Variants in LHFPL3 observed in about 807,000 individuals in gnomAD.
The protein encoded by LHFPL3 is LHFPL tetraspan subfamily member 3 protein.
In LHFPL3, 5 loss-of-function variants were observed where a neutral mutation model predicts 19.3. That is an observed-to-expected ratio of 0.26 (90% CI 0.14 to 0.54). LHFPL3 has a LOEUF of 0.54. LHFPL3 is among the 20% of genes least tolerant of loss of function. The probability of loss-of-function intolerance (pLI) is 0.94; values close to 1 mark genes in which losing one functional copy is unlikely to be tolerated. For synonymous variants in LHFPL3, 133 were observed against 126.2 expected, an observed-to-expected ratio of 1.05 and a Z score of -0.36; for missense variants, 249 against 307.4, an observed-to-expected ratio of 0.81 and a Z score of 1.42.
At chr7:104,428,000 A>G (rs1456673169) in intron 1 of LHFPL3, among the ~76,000 whole-genome samples, 1 of 152,202 alleles carries the variant, frequency 6.6e-6, no homozygotes, top group Non-Finnish European at 1.5e-5. Flanking sequence ...ATTAAAATGG[A>G]TGGAAAATGC....
chr7:104,504,139 C>G (rs949434301), intron 1 of LHFPL3, among the ~76,000 whole-genome samples: 11 of 152,098 alleles, frequency 7.2e-5, no homozygotes, highest in African/African-American at 2.4e-4. Context: ...ATTTGTTATT[C>G]ACCTCTGAAC....
chr7:104,832,473 G>A (rs1172368380), intron 2 of LHFPL3, among the ~76,000 whole-genome samples: 1 of 151,680 alleles, frequency 6.6e-6, no homozygotes, highest in South Asian at 2.1e-4. Context: ...CTCCTGTAAA[G>A]CATATTTAAC....
chr7:104,892,576 TG>T (rs1264640681), intron 2 of LHFPL3, among the ~76,000 whole-genome samples: 1 of 151,816 alleles, frequency 6.6e-6, no homozygotes, highest in East Asian at 1.9e-4. Flanking sequence ...CCAGGTGTGG[TG>T]GCGGGCACCT....
chr7:104,442,963 TG>T (rs1339737639), intron 1 of LHFPL3, among the ~76,000 whole-genome samples: 23 of 152,238 alleles, frequency 1.5e-4, no homozygotes, highest in Non-Finnish European at 2.2e-4. Flanking sequence ...AGGTATCCTT[TG>T]GTATGATAAT....
chr7:104,377,524 T>A lies in LHFPL3; in HGVS notation c.445+48300T>A, dbSNP rs116471599. Among the ~76,000 whole-genome samples the A allele has an allele frequency of 4.3e-3, 650 of 152,328 alleles. 4 individuals are homozygous for A. The highest frequency in any genetic ancestry group is 0.015 in the African/African-American group (618 of 41,572). ...TCTCTCCATTATATTATCTTTTTAT[T>A]CTTTGGAATCAAGTCTTAAGGAAAT... On this transcript the variant is annotated intron_variant, in intron 1 of 2. Transcript: ENST00000424859.
At chr7:104,519,323 T>G (rs1279354237) in intron 1 of LHFPL3, among the ~76,000 whole-genome samples, 3 of 152,162 alleles carry the variant, frequency 2.0e-5, no homozygotes, top group Non-Finnish European at 4.4e-5. Flanking sequence ...CTGAAGGTGA[T>G]ACAGGACTGT....
At chr7:104,437,149 A>C (rs1056129323) in intron 1 of LHFPL3, among the ~76,000 whole-genome samples, 5 of 152,250 alleles carry the variant, frequency 3.3e-5, no homozygotes, top group African/African-American at 1.2e-4. Context: ...AAAAGTTGCA[A>C]CATCTGTAAG....
At chr7:104,487,021 A>G (rs1181037199) in intron 1 of LHFPL3, among the ~76,000 whole-genome samples, 1 of 151,452 alleles carries the variant, frequency 6.6e-6, no homozygotes, top group Non-Finnish European at 1.5e-5. Context: ...CCTTTTTTTC[A>G]TCCTGTTATT....
At chr7:104,439,395 T>C (rs75416735) in intron 1 of LHFPL3, among the ~76,000 whole-genome samples, 9,611 of 152,170 alleles carry the variant, frequency 0.063, 490 homozygotes, top group East Asian at 0.22. Context: ...AAAAAATCCT[T>C]TTAAAATTAG....
chr7:104,393,664 C>G (rs866808100), intron 1 of LHFPL3, among the ~76,000 whole-genome samples: 1 of 151,812 alleles, frequency 6.6e-6, no homozygotes, highest in Non-Finnish European at 1.5e-5. Flanking sequence ...TGCAGTGAGC[C>G]GAGACCATGC....
chr7:104,633,342 T>C (rs924485515), intron 1 of LHFPL3, among the ~76,000 whole-genome samples: 8 of 152,218 alleles, frequency 5.3e-5, no homozygotes, highest in Non-Finnish European at 8.8e-5. Flanking sequence ...TATTAATTCC[T>C]ATCCACAACA....
At chr7:104,387,464 G>T (rs1790970361) in intron 1 of LHFPL3, among the ~76,000 whole-genome samples, 1 of 152,052 alleles carries the variant, frequency 6.6e-6, no homozygotes, top group Admixed American at 6.6e-5. Context: ...ACAGAAGAAA[G>T]AACCAGCAAA....
At chr7:104,719,144 A>G (rs1411019723) in intron 1 of LHFPL3, among the ~76,000 whole-genome samples, 2 of 152,196 alleles carry the variant, frequency 1.3e-5, no homozygotes, top group Non-Finnish European at 2.9e-5. Flanking sequence ...CAAAGAAGTT[A>G]CTTTCAAAAA....
chr7:104,430,403 TACATATATATATATAC>T (rs1791953343), intron 1 of LHFPL3, among the ~76,000 whole-genome samples: 18 of 39,620 alleles, frequency 4.5e-4, no homozygotes, highest in African/African-American at 2.7e-3. Context: ...TATATATATA[TACATATATATATATAC>T]ATATATATAT....
chr7:104,881,284 C>A (rs764547781), intron 2 of LHFPL3, among the ~76,000 whole-genome samples: 4 of 151,890 alleles, frequency 2.6e-5, no homozygotes, highest in Admixed American at 6.6e-5. Flanking sequence ...AAGTATTCTT[C>A]AATCTAGATG....
chr7:104,413,956 G>A (rs369620615), intron 1 of LHFPL3, among the ~76,000 whole-genome samples: 1 of 152,100 alleles, frequency 6.6e-6, no homozygotes, highest in African/African-American at 2.4e-5. Flanking sequence ...AGCAAAAAAG[G>A]TGATTTAATA....
chr7:104,461,519 T>A (rs184450315), intron 1 of LHFPL3, among the ~76,000 whole-genome samples: 16 of 152,332 alleles, frequency 1.1e-4, no homozygotes, highest in Admixed American at 8.5e-4. Context: ...GTTATAAGTA[T>A]GCAGCCTTAT....
intron 1 of LHFPL3, among the ~76,000 whole-genome samples, chr7:104,414,112 C>G (rs1791579028): frequency 6.6e-6 from 1 of 151,258 alleles, no homozygotes; most frequent in Admixed American, 6.6e-5. Flanking sequence ...AAAAAACTAT[C>G]GCACAGAAGC....
At chr7:104,753,094 T>C (rs1323854089) in intron 2 of LHFPL3, among the ~76,000 whole-genome samples, 1 of 152,220 alleles carries the variant, frequency 6.6e-6, no homozygotes, top group African/African-American at 2.4e-5. Context: ...GACCACACTT[T>C]AAGCAACACT....
Sources: allele counts gnomAD v4.1 joint callset (sites outside exome capture counted in the v4.1 genomes callset), GRCh38; gene constraint gnomAD v4.1.1; transcripts MANE v1.5; gene names NCBI Gene and HGNC (gene_info 2026-07-23, HGNC 2026-07-21).